Variants in CLVS1 observed in about 807,000 individuals in gnomAD.
The protein encoded by CLVS1 is clavesin-1.
Under a neutral mutation model 33.1 loss-of-function variants are expected in CLVS1, and 10 were observed. The ratio of observed to expected loss-of-function variants is 0.30; its 90% CI spans 0.19 to 0.51. CLVS1 has a LOEUF of 0.51. Ranked by LOEUF, CLVS1 falls within the 20% of genes least tolerant of loss-of-function variation. The pLI is 0.97. For synonymous variants in CLVS1, 163 were observed against 166.1 expected (o/e 0.98, Z 0.14); for missense variants, 343 against 433.4 (o/e 0.79, Z 1.85).
intron 2 of CLVS1, among the ~76,000 whole-genome samples, chr8:61,245,033 C>G (rs983152649): frequency 6.6e-6 from 1 of 152,096 alleles, no homozygotes; most frequent in Non-Finnish European, 1.5e-5. Context: ...GTATATCCAG[C>G]CTTTTCTCAT....
At chr8:61,194,140 G>A (rs1195343619) in intron 2 of CLVS1, among the ~76,000 whole-genome samples, 1 of 151,896 alleles carries the variant, frequency 6.6e-6, no homozygotes, top group Non-Finnish European at 1.5e-5. Context: ...AAAGGAAGAA[G>A]GCATGATAAA....
chr8:60,966,685 G>A, the CLVS1 span: 1 of 216,572 alleles, frequency 4.6e-6, no homozygotes, highest in African/African-American at 2.3e-5. Flanking sequence ...CCATGCAGCA[G>A]CTGAAGTAAT....
chr8:60,978,697 G>T, the CLVS1 span, among the ~76,000 whole-genome samples: 1 of 150,188 alleles, frequency 6.7e-6, no homozygotes, highest in Non-Finnish European at 1.5e-5. Context: ...TGCCTGTAAT[G>T]CCAGATACTC....
chr8:61,421,186 A>G (rs1307768394), intron 3 of CLVS1, among the ~76,000 whole-genome samples: 1 of 151,918 alleles, frequency 6.6e-6, no homozygotes, highest in Non-Finnish European at 1.5e-5. Context: ...CTAGAACCGA[A>G]CCCCTCAGAG....
chr8:61,131,951 C>T (rs1000274247), intron 2 of CLVS1: 1 of 152,222 alleles, frequency 6.6e-6, no homozygotes, highest in African/African-American at 2.4e-5. Context: ...AGGCTCTTCC[C>T]CTAACACTCA....
At chr8:60,985,875 CG>C in the CLVS1 span, among the ~76,000 whole-genome samples, 1 of 151,326 alleles carries the variant, frequency 6.6e-6, no homozygotes, top group East Asian at 1.9e-4. Flanking sequence ...GGTAGCTGCA[CG>C]TTTAGCCTTT....
intron 2 of CLVS1, among the ~76,000 whole-genome samples, chr8:61,360,793 G>A (rs374621180): frequency 2.6e-5 from 4 of 152,268 alleles, no homozygotes; most frequent in Admixed American, 6.5e-5. Context: ...AATTTGTGAC[G>A]ACTTGCTTAA....
intron 2 of CLVS1, among the ~76,000 whole-genome samples, chr8:61,343,846 T>G (rs1812110669): frequency 6.6e-6 from 1 of 152,174 alleles, no homozygotes; most frequent in South Asian, 2.1e-4. Flanking sequence ...AAATGCTGTA[T>G]AAAATAAAAC....
At chr8:61,343,338 T>C (rs1046101483) in intron 2 of CLVS1, among the ~76,000 whole-genome samples, 1 of 152,216 alleles carries the variant, frequency 6.6e-6, no homozygotes, top group Non-Finnish European at 1.5e-5. Context: ...AGGTGGCTAG[T>C]GGTGAGGTAG....
chr8:61,129,611 G>A (rs1806047963), intron 1 of CLVS1, among the ~76,000 whole-genome samples: 2 of 152,146 alleles, frequency 1.3e-5, no homozygotes, highest in African/African-American at 4.8e-5. Context: ...GACAGATTCT[G>A]TGTCCAATAA....
chr8:61,371,116 G>A (rs1359303019), intron 2 of CLVS1, among the ~76,000 whole-genome samples: 1 of 152,158 alleles, frequency 6.6e-6, no homozygotes, highest in African/African-American at 2.4e-5. Context: ...CCCACCAGCA[G>A]TGTAAAAGCG....
intron 2 of CLVS1, among the ~76,000 whole-genome samples, chr8:61,162,657 G>A (rs1806775627): frequency 6.6e-6 from 1 of 152,184 alleles, no homozygotes; most frequent in African/African-American, 2.4e-5. Flanking sequence ...TTTTTAGTAT[G>A]AGCACTCATC....
intron 2 of CLVS1, among the ~76,000 whole-genome samples, chr8:61,316,562 G>A (rs1472745192): frequency 2.6e-5 from 4 of 152,148 alleles, no homozygotes; most frequent in Non-Finnish European, 4.4e-5. Context: ...ATGAAGTGTT[G>A]CATGATTGTA....
chr8:61,063,688 G>A lies in CLVS1; in HGVS notation c.-243+6458G>A, dbSNP rs79279596. On this transcript the variant is annotated intron_variant, in intron 1 of 2. Coordinates refer to the CLVS1 transcript ENST00000522621. ...CATTCATAACCAATAATTTAAAAAC[G>A]TTCTCAAGCTTTATTTTTTGAGCTT... Among the ~76,000 whole-genome samples, 389 of 152,260 alleles carry A rather than the reference G, an allele frequency of 2.6e-3. 7 individuals are homozygous for A. The East Asian group carries it at 0.068, about 27-fold the overall frequency.
chr8:61,319,781 T>C (rs1314840957), intron 2 of CLVS1, among the ~76,000 whole-genome samples: 1 of 152,210 alleles, frequency 6.6e-6, no homozygotes, highest in Non-Finnish European at 1.5e-5. Context: ...TTAAGCAGGA[T>C]TTCTAATATA....
intron 2 of CLVS1, among the ~76,000 whole-genome samples, chr8:61,194,383 C>CAA (rs138645408): frequency 6.6e-6 from 1 of 151,842 alleles, no homozygotes; most frequent in African/African-American, 2.4e-5. Context: ...AAATACTAAC[C>CAA]AAAAAACCCT....
At chr8:61,112,518 G>A (rs1037108117) in intron 1 of CLVS1, among the ~76,000 whole-genome samples, 20 of 152,194 alleles carry the variant, frequency 1.3e-4, no homozygotes, top group African/African-American at 4.1e-4. Context: ...TCAATAGGCA[G>A]CGAGATTACT....
chr8:61,062,054 C>A (rs1804592197), intron 1 of CLVS1, among the ~76,000 whole-genome samples: 1 of 152,040 alleles, frequency 6.6e-6, no homozygotes, highest in African/African-American at 2.4e-5. Flanking sequence ...TGTCATTGTG[C>A]CTCGTTGCTT....
At chr8:60,997,894 G>A in the CLVS1 span, among the ~76,000 whole-genome samples, 6 of 152,144 alleles carry the variant, frequency 3.9e-5, no homozygotes, top group Non-Finnish European at 8.8e-5. Flanking sequence ...ACTCAAAAAG[G>A]TCATAGCCCT....
Sources: gnomAD v4.1 joint callset for allele counts (sites outside exome capture counted in the v4.1 genomes callset) on GRCh38, gnomAD v4.1.1 for gene constraint, MANE v1.5 for transcripts, NCBI Gene and HGNC (gene_info 2026-07-23, HGNC 2026-07-21) for gene names.